Variants in DCP1A observed in about 807,000 individuals in gnomAD.
DCP1A encodes the protein mRNA-decapping enzyme 1A.
DCP1A carries 20 observed loss-of-function variants against 58.0 expected under a neutral mutation model. That is an observed-to-expected ratio of 0.34 (90% CI 0.24 to 0.50). The LOEUF (loss-of-function observed/expected upper bound fraction) is 0.50, where lower values mean the gene tolerates loss of function less well. DCP1A is among the 20% of genes least tolerant of loss of function. The probability of loss-of-function intolerance (pLI) is 0.98; values close to 1 mark genes in which losing one functional copy is unlikely to be tolerated. For missense variants in DCP1A, 613 were observed against 712.2 expected (o/e 0.86, Z 1.59); for synonymous variants, 285 against 275.1 (o/e 1.04, Z -0.36).
rs370368782 is a variant in DCP1A at position 53,292,095 on chromosome 3, T to C, written c.1357A>G (p.Ser453Gly). The change falls in exon 7 of 10, where the codon AGC (serine) becomes GGC (glycine). Residue 453 changes from serine (S) to glycine (G), a missense_variant. Ser to Gly is a moderately conservative substitution (Grantham distance 56). Transcript: ENST00000610213. ...TGAAGGGGAGCAAGCACCATGTTGCTCAGGGAGGCTGAGGCCGCCACTCTT... is the reference window on the plus strand; with the variant it reads ...TGAAGGGGAGCAAGCACCATGTTGCCCAGGGAGGCTGAGGCCGCCACTCTT... ...AARVAASASL[S>G]NMVLAPLQSM... 7.7e-5 allele frequency: 124 copies of C among 1,612,224 alleles called. No homozygotes were observed. The highest frequency in any genetic ancestry group is 1.0e-4 in the Non-Finnish European group (121 of 1,179,454).
At chr3:53,336,020 G>A (rs764436921) in intron 3 of DCP1A, among the ~76,000 whole-genome samples, 2 of 151,968 alleles carry the variant, frequency 1.3e-5, no homozygotes, top group Non-Finnish European at 2.9e-5. Context: ...TGTTGGTCTT[G>A]AACTCCTGGG....
intron 4 of DCP1A, among the ~76,000 whole-genome samples, chr3:53,318,312 C>A (rs1055181241): frequency 6.6e-5 from 10 of 151,822 alleles, no homozygotes; most frequent in Admixed American, 5.3e-4. Context: ...CTAAAAAAAA[C>A]CAAATAAAGT....
chr3:53,335,878 G>A (rs572636207), intron 3 of DCP1A, among the ~76,000 whole-genome samples: 74 of 152,006 alleles, frequency 4.9e-4, no homozygotes, highest in South Asian at 1.7e-3. Flanking sequence ...AGGCTGGAGC[G>A]CAGTGGCGTG....
intron 6 of DCP1A, among the ~76,000 whole-genome samples, chr3:53,302,662 G>A (rs138699866): frequency 2.0e-4 from 30 of 152,186 alleles, no homozygotes; most frequent in African/African-American, 3.1e-4. Context: ...TTGCTCTGTC[G>A]CCTAGGCTGG....
intron 1 of DCP1A, among the ~76,000 whole-genome samples, chr3:53,345,785 T>C (rs972928533): frequency 1.3e-5 from 2 of 152,170 alleles, no homozygotes; most frequent in Non-Finnish European, 2.9e-5. Context: ...ATTATTTTCC[T>C]TCCTAAGGAT....
intron 3 of DCP1A, chr3:53,329,387 A>G: frequency 2.5e-6 from 1 of 398,606 alleles, no homozygotes; most frequent in Admixed American, 4.4e-5. Context: ...TGCCCGATAT[A>G]AAGGAAAAGT....
chr3:53,289,966 C>G (rs148553660), intron 8 of DCP1A, among the ~76,000 whole-genome samples: 1 of 152,224 alleles, frequency 6.6e-6, no homozygotes, highest in Non-Finnish European at 1.5e-5. Flanking sequence ...TGAGATAGAT[C>G]ACCATGCAGA....
At chr3:53,296,439 T>G (rs1426718368) in intron 6 of DCP1A, among the ~76,000 whole-genome samples, 2 of 152,222 alleles carry the variant, frequency 1.3e-5, no homozygotes, top group African/African-American at 4.8e-5. Context: ...TGGGACAGAC[T>G]TCTCTGTCCA....
At chr3:53,343,411 G>A (rs782483362) in intron 2 of DCP1A, among the ~76,000 whole-genome samples, 8 of 152,070 alleles carry the variant, frequency 5.3e-5, no homozygotes, top group African/African-American at 9.7e-5. Flanking sequence ...ATAAGCCTCC[G>A]TGAATTGTAT....
intron 3 of DCP1A, among the ~76,000 whole-genome samples, chr3:53,338,740 A>G (rs1180596304): frequency 1.3e-5 from 2 of 151,406 alleles, no homozygotes; most frequent in East Asian, 1.9e-4. Context: ...GGGCGCCTGT[A>G]GTCCCAGCTA....
chr3:53,291,214 T>C (rs1036240023), intron 7 of DCP1A, among the ~76,000 whole-genome samples: 34 of 152,182 alleles, frequency 2.2e-4, no homozygotes, highest in African/African-American at 8.2e-4. Flanking sequence ...TGTGGGTATA[T>C]AGGTGTATGT....
chr3:53,292,210 T>C lies in DCP1A; in HGVS notation c.1242A>G (p.Lys414=). The C allele has an allele frequency of 6.2e-7, 1 of 1,614,034 alleles. No homozygotes were observed. Among genetic ancestry groups the C allele is most frequent in the Non-Finnish European group, 8.5e-7 (1 of 1,179,902 alleles). The change falls in exon 7 of 10, where the codon AAA becomes AAG. Residue 414 remains lysine, a synonymous_variant. Coordinates refer to ENST00000610213, the MANE Select transcript of DCP1A (RefSeq NM_018403.7). ...HDQIQTQPLG[K]GAMVASFSPA... is the part of the protein sequence containing the mutation. ...GAGAAAAGCTGGCTACCATTGCACC[T>C]TTCCCAAGTGGTTGTGTCTGTATTT...
In DCP1A at chr3:53,284,520, G is replaced by A. The variant is rs1706551581; in HGVS notation, c.*3060C>T. 7.0e-6 allele frequency: 1 copy of A among 142,242 alleles called. No individual in the cohort carries two copies. The highest frequency in any genetic ancestry group is 1.5e-5 in the Non-Finnish European group (1 of 66,016). The allele number at this position is 142,242 out of a possible 1,614,324, so 8.8% of individuals were successfully genotyped here. ...GTGTCCCCCTGTAGAGAGGGGCCCA[G>A]CGTGACTTTTTTTTTTTTTTTTTTT... On this transcript the variant is annotated 3_prime_UTR_variant, in exon 10 of 10. Coordinates refer to ENST00000610213, the MANE Select transcript of DCP1A (RefSeq NM_018403.7).
intron 5 of DCP1A, among the ~76,000 whole-genome samples, chr3:53,311,259 G>C (rs1043825128): frequency 1.3e-5 from 2 of 152,284 alleles, no homozygotes; most frequent in African/African-American, 4.8e-5. Context: ...AGGTGAAATA[G>C]GCATGAAAGG....
At chr3:53,298,484 G>T (rs1028771066) in intron 6 of DCP1A, among the ~76,000 whole-genome samples, 1 of 152,200 alleles carries the variant, frequency 6.6e-6, no homozygotes, top group Non-Finnish European at 1.5e-5. Flanking sequence ...CTTACTATGT[G>T]GGAGGCGATA....
At position 53,347,519 on chromosome 3, in the gene DCP1A, T is replaced by C. The variant is rs141367465; in HGVS notation, c.-2A>G. ...CCCAGCTCGACTCAGCGCCTCCATCTTGAATCCCAGAGCCTAGCCCCTCTG... is the reference window on the plus strand; with the variant it reads ...CCCAGCTCGACTCAGCGCCTCCATCCTGAATCCCAGAGCCTAGCCCCTCTG... On this transcript the variant is annotated 5_prime_UTR_variant, in exon 1 of 10. Coordinates refer to ENST00000610213, the MANE Select transcript of DCP1A (RefSeq NM_018403.7). The C allele has an allele frequency of 8.4e-3, 13,552 of 1,609,926 alleles. 73 individuals are homozygous for C. The highest frequency in any genetic ancestry group is 0.011 in the Non-Finnish European group (12,628 of 1,177,920).
chr3:53,333,436 G>A (rs939194962), intron 3 of DCP1A, among the ~76,000 whole-genome samples: 9 of 152,080 alleles, frequency 5.9e-5, no homozygotes, highest in South Asian at 4.1e-4. Flanking sequence ...GAGCCACTGC[G>A]CCTGGCCAGC....
At chr3:53,307,674 A>C (rs1255903863) in intron 5 of DCP1A, among the ~76,000 whole-genome samples, 8 of 152,240 alleles carry the variant, frequency 5.3e-5, no homozygotes, top group Admixed American at 5.2e-4. Context: ...AAATGAGGGA[A>C]AATGGGCAAT....
chr3:53,342,981 G>A (rs60350276), intron 2 of DCP1A, among the ~76,000 whole-genome samples: 6,630 of 152,164 alleles, frequency 0.044, 479 homozygotes, highest in African/African-American at 0.15. Context: ...TTTACATAGC[G>A]CTCCTGAGTT....
Sources: allele counts gnomAD v4.1 joint callset (sites outside exome capture counted in the v4.1 genomes callset), GRCh38; gene constraint gnomAD v4.1.1; transcripts MANE v1.5; gene names NCBI Gene and HGNC (gene_info 2026-07-23, HGNC 2026-07-21).